Variants in IQSEC1 observed in about 807,000 individuals in gnomAD.
IQSEC1 encodes IQ motif and SEC7 domain-containing protein 1.
Under a neutral mutation model 91.0 loss-of-function variants are expected in IQSEC1, and 31 were observed. That is an observed-to-expected ratio of 0.34 (90% CI 0.26 to 0.46). The LOEUF (loss-of-function observed/expected upper bound fraction) is 0.46. IQSEC1 is among the 20% of genes least tolerant of loss of function. IQSEC1 has a pLI of 1.00. For missense variants in IQSEC1, 1,388 were observed against 1,575.6 expected, an observed-to-expected ratio of 0.88 and a Z score of 2.02; for synonymous variants, 699 against 662.6, an observed-to-expected ratio of 1.05 and a Z score of -0.84.
At chr3:13,039,280 G>A (rs539372016) in intron 1 of IQSEC1, among the ~76,000 whole-genome samples, 3 of 152,194 alleles carry the variant, frequency 2.0e-5, no homozygotes, top group African/African-American at 4.8e-5. Flanking sequence ...TGAAATAAGC[G>A]GCTCTGCTCC....
At position 13,130,216 on chromosome 3, in the gene IQSEC1, C is replaced by T. The variant is rs535924613; in HGVS notation, c.302+33888G>A. On this transcript the variant is annotated intron_variant, in intron 2 of 15. Transcript: ENST00000648114. ...AAAATTAGCCAGGTGTGGTGGCGCG[C>T]GCCTGTACTCCCAGCTACTCGGAAG... Among the ~76,000 whole-genome samples the T allele has an allele frequency of 1.1e-3, 170 of 151,268 alleles. 2 individuals are homozygous for T. Among genetic ancestry groups the T allele is most frequent in the African/African-American group, 3.8e-3 (157 of 41,312 alleles).
chr3:12,932,503 C>A (rs1168004621), intron 3 of IQSEC1, among the ~76,000 whole-genome samples: 2 of 152,210 alleles, frequency 1.3e-5, no homozygotes, highest in African/African-American at 4.8e-5. Flanking sequence ...GGAACCATGC[C>A]TGGCGCACCG....
chr3:13,062,950 G>C lies in IQSEC1; in HGVS notation c.23+10042C>G, dbSNP rs1288587569. On this transcript the variant is annotated intron_variant, in intron 1 of 13. Transcript: ENST00000613206. ...TGAGCCACAGGGGTTGCTCTGACAG[G>C]ACCTTCATCCTTCGGAGGTCGGGCC... Among the ~76,000 whole-genome samples the C allele has an allele frequency of 1.3e-5, 2 of 152,236 alleles. 1 individual carries two copies. The highest frequency in any genetic ancestry group is 3.8e-4 in the East Asian group (2 of 5,202).
chr3:13,206,156 T>TCCCTCCATCCACCCATCCAC (rs60674597), intron 1 of IQSEC1, among the ~76,000 whole-genome samples: 24,953 of 117,046 alleles, frequency 0.21, 3,449 homozygotes, highest in Non-Finnish European at 0.22. Context: ...CACCTATCCA[T>TCCCTCCATCCACCCATCCAC]CCCTCCATCC....
intron 3 of IQSEC1, among the ~76,000 whole-genome samples, chr3:12,926,426 T>C (rs1697142181): frequency 6.6e-6 from 1 of 152,192 alleles, no homozygotes; most frequent in South Asian, 2.1e-4. Flanking sequence ...CTCAGGGAGC[T>C]GTATGGAGCC....
intron 1 of IQSEC1, among the ~76,000 whole-genome samples, chr3:13,239,666 C>G (rs1413706223): frequency 6.6e-6 from 1 of 152,240 alleles, no homozygotes; most frequent in African/African-American, 2.4e-5. Flanking sequence ...ACCCTCGGAG[C>G]CCACCCACAG....
chr3:13,191,234 T>C (rs942815327), intron 1 of IQSEC1, among the ~76,000 whole-genome samples: 12 of 152,238 alleles, frequency 7.9e-5, no homozygotes, highest in Admixed American at 7.8e-4. Context: ...TAAACTCATC[T>C]TTCTGCATCC....
chr3:13,101,974 G>A (rs965285954), intron 2 of IQSEC1, among the ~76,000 whole-genome samples: 1 of 152,008 alleles, frequency 6.6e-6, no homozygotes, highest in Non-Finnish European at 1.5e-5. Context: ...TGAGCCAGGG[G>A]CCCACTCATG....
chr3:13,119,160 G>A (rs1706384509), intron 2 of IQSEC1, among the ~76,000 whole-genome samples: 1 of 151,936 alleles, frequency 6.6e-6, no homozygotes, highest in South Asian at 2.1e-4. Context: ...AGAATAAGGA[G>A]GCCGCCTTGG....
rs554394443 is a variant in IQSEC1 at position 13,083,139 on chromosome 3, C to T, written c.303-35617G>A. ...TGTCTGTCAGTCACTGCTTTATCCC[C>T]TGTGCCTGATAACTTGCAGGTGCTC... is the stretch of plus-strand genomic sequence containing the variant. On this transcript the variant is annotated intron_variant, in intron 2 of 15. Transcript: ENST00000648114. 4.6e-5 allele frequency among the ~76,000 whole-genome samples: 7 copies of T among 152,376 alleles called. No individual in the cohort carries two copies. The South Asian group carries it at 1.4e-3, about 32-fold the overall frequency.
Position 12,915,835 on chromosome 3 carries a change from CA to C in IQSEC1, c.2021-103del, listed in dbSNP as rs1696033522. The C allele has an allele frequency of 4.3e-6, 6 of 1,385,374 alleles. No homozygotes were observed. In the East Asian group the frequency reaches 1.4e-4, roughly 32 times the overall value. The allele number at this position is 1,385,374 out of a possible 1,614,324, so 85.8% of individuals were successfully genotyped here. On this transcript the variant is annotated intron_variant, in intron 6 of 13. Coordinates refer to ENST00000613206, the MANE Select transcript of IQSEC1 (RefSeq NM_001134382.3). ...GGAGCGAACCTTCCACTAGACCCAA[CA>C]GAACCAAAGAACTCCCAGGCAGGCC...
At position 12,900,602 on chromosome 3, in the gene IQSEC1, TG is replaced by T; in HGVS notation, c.*380del. 2 of 1,045,978 alleles carry T rather than the reference TG, an allele frequency of 1.9e-6. No homozygotes were observed. The highest frequency in any genetic ancestry group is 2.3e-6 in the Non-Finnish European group (2 of 867,520). The allele number at this position is 1,045,978 out of a possible 1,614,324, so 64.8% of individuals were successfully genotyped here. A position where few individuals can be genotyped will look rare whatever the true frequency, so the allele number is the denominator to read the frequency against. On this transcript the variant is annotated 3_prime_UTR_variant, in exon 14 of 14. Coordinates refer to ENST00000613206, the MANE Select transcript of IQSEC1 (RefSeq NM_001134382.3). Reference sequence around the variant, plus strand: ...TTTTGGGGTTTGTTTTGTCTGTTTTTGTATCTCATTTCTTCGTTTTCTAGGT... The same window carrying T: ...TTTTGGGGTTTGTTTTGTCTGTTTTTTATCTCATTTCTTCGTTTTCTAGGT...
intron 1 of IQSEC1, among the ~76,000 whole-genome samples, chr3:12,949,839 C>T (rs1183767330): frequency 6.6e-6 from 1 of 152,180 alleles, no homozygotes; most frequent in Non-Finnish European, 1.5e-5. Context: ...GCCACCCCTG[C>T]CAGGTCTCTG....
intron 2 of IQSEC1, among the ~76,000 whole-genome samples, chr3:13,119,957 G>A (rs554131828): frequency 6.6e-6 from 1 of 152,188 alleles, no homozygotes; most frequent in African/African-American, 2.4e-5. Context: ...GCTCTACTTC[G>A]AAGGTGGCCA....
At chr3:13,048,705 G>A (rs927362695) in intron 1 of IQSEC1, among the ~76,000 whole-genome samples, 51 of 152,334 alleles carry the variant, frequency 3.3e-4, no homozygotes, top group African/African-American at 1.2e-3. Flanking sequence ...GCTGGCCTGT[G>A]ATTCCGCTAC....
intron 3 of IQSEC1, among the ~76,000 whole-genome samples, chr3:12,926,319 AAAAAC>A (rs1261654609): frequency 2.0e-5 from 3 of 152,074 alleles, no homozygotes; most frequent in African/African-American, 7.2e-5. Flanking sequence ...CAAAAAAAAA[AAAAAC>A]AAAAAAGGAG....
rs1257527335 is a variant in IQSEC1 at position 12,909,878 on chromosome 3, G to T, written c.2417-444C>A. The stretch of plus-strand genomic sequence containing the variant: ...CCAGACCTGCCTGGTGCCACCTCCG[G>T]GCTCTCAGGGTCCCTGGGGCTTTGG... On this transcript the variant is annotated intron_variant, in intron 10 of 13. Coordinates refer to ENST00000613206, the MANE Select transcript of IQSEC1 (RefSeq NM_001134382.3). This position sits in a 1 kb window ranked among gnomAD's most constrained non-coding sequence, Gnocchi z 4.9. 6.6e-6 allele frequency among the ~76,000 whole-genome samples: 1 copy of T among 152,208 alleles called. No homozygotes were observed. The highest frequency in any genetic ancestry group is 1.5e-5 in the Non-Finnish European group (1 of 68,042).
In IQSEC1 at chr3:12,935,494, C is replaced by T. The variant is rs1398520976; in HGVS notation, c.1522G>A (p.Val508Ile). Residue 508 changes from valine to isoleucine, a missense_variant, in exon 3 of 14, where the codon GTC (valine) becomes ATC (isoleucine). Coordinates refer to ENST00000613206, the MANE Select transcript of IQSEC1 (RefSeq NM_001134382.3). The surrounding 1 kb of genome is among the most constrained non-coding windows in gnomAD (Gnocchi z 8.0). Reference protein sequence around the residue: ...SWDSPAFSNDVIRKRHYRIGL... With the variant: ...SWDSPAFSNDIIRKRHYRIGL... ...ATGCGGTAGTGCCTCTTGCGGATGA[C>T]ATCGTTGCTAAAGGCAGGCGAGTCC... The T allele has an allele frequency of 1.2e-6, 2 of 1,613,756 alleles. No homozygotes were observed. The highest frequency in any genetic ancestry group is 4.5e-5 in the East Asian group (2 of 44,898).
chr3:13,142,228 G>A (rs1218760867), intron 2 of IQSEC1, among the ~76,000 whole-genome samples: 2 of 152,230 alleles, frequency 1.3e-5, no homozygotes, highest in Non-Finnish European at 2.9e-5. Flanking sequence ...CTGCGGGAGT[G>A]CATTTACCCC....
Sources: allele counts gnomAD v4.1 joint callset (sites outside exome capture counted in the v4.1 genomes callset), GRCh38; gene constraint gnomAD v4.1.1; non-coding constraint Gnocchi (gnomAD v3.1); transcripts MANE v1.5; gene names NCBI Gene and HGNC (gene_info 2026-07-23, HGNC 2026-07-21).